The following GRPEL2 variants were observed in gnomAD, a reference collection of about 807,000 sequenced individuals.
GRPEL2 encodes the protein grpE protein homolog 2, mitochondrial.
A neutral mutation model predicts 25.9 loss-of-function variants in GRPEL2; 18 were observed. The observed-to-expected ratio is 0.70, with a 90% CI of 0.48 to 1.03. GRPEL2 has a LOEUF of 1.03. GRPEL2 is among the 50% of genes least tolerant of loss of function. GRPEL2 has a pLI of 0.00. For missense variants in GRPEL2, 247 were observed against 276.2 expected, an observed-to-expected ratio of 0.89 and a Z score of 0.75; for synonymous variants, 106 against 107.9, an observed-to-expected ratio of 0.98 and a Z score of 0.11.
intron 1 of GRPEL2, among the ~76,000 whole-genome samples, chr5:149,346,991 C>T (rs1757701167): frequency 6.6e-6 from 1 of 152,090 alleles, no homozygotes; most frequent in African/African-American, 2.4e-5. Flanking sequence ...TCCCAAAGTG[C>T]TGGGATTACA....
At chr5:149,345,674 G>T in intron 1 of GRPEL2, 58 bp downstream of exon 1, 1 of 1,444,414 alleles carries the variant, frequency 6.9e-7, no homozygotes, top group Non-Finnish European at 9.5e-7. Flanking sequence ...TAGCGAGCCA[G>T]CCGGGGTGGT....
chr5:149,345,579 C>G lies in GRPEL2; in HGVS notation c.40C>G (p.Gln14Glu). The change falls in exon 1 of 4, where the codon CAG (glutamine) becomes GAG (glutamate). Residue 14 changes from glutamine (Q) to glutamate (E), a missense_variant. Physicochemically the swap from Gln to Glu is conservative, Grantham distance 29 (BLOSUM62 2). This residue lies in a region of GRPEL2 where 125 missense variants were observed against 107.0 expected (regional missense o/e 1.17). Coordinates refer to ENST00000329271, the MANE Select transcript of GRPEL2 (RefSeq NM_152407.4). ...RSLWAGRLRVQRLLAWSAAWE... is the reference protein window; with the variant it reads ...RSLWAGRLRVERLLAWSAAWE... ...GCTGTGGGCGGGCCGGCTGCGGGTG[C>G]AGCGCCTACTGGCCTGGAGTGCCGC... 1 of 1,612,060 alleles carries G rather than the reference C, an allele frequency of 6.2e-7. No individual in the cohort carries two copies. The highest frequency in any genetic ancestry group is 2.2e-5 in the East Asian group (1 of 44,838).
At chr5:149,346,899 A>G (rs962141327) in intron 1 of GRPEL2, among the ~76,000 whole-genome samples, 12 of 151,414 alleles carry the variant, frequency 7.9e-5, no homozygotes, top group African/African-American at 2.9e-4. Context: ...CACTACGCCC[A>G]GCTAATTTTT....
chr5:149,347,849 C>G (rs548030614), intron 1 of GRPEL2, among the ~76,000 whole-genome samples: 13 of 152,270 alleles, frequency 8.5e-5, no homozygotes, highest in African/African-American at 3.1e-4. Context: ...TTTTTGAATG[C>G]CCACTTCTGA....
Position 149,353,482 on chromosome 5 carries a change from G to C in GRPEL2, c.*2200G>C, listed in dbSNP as rs1453065039. ...CTAAAGAGATGTCTCTACCTAATGA[G>C]CTCAAGTGATCCTCCCACCTCAGCC... On this transcript the variant is annotated 3_prime_UTR_variant, in exon 4 of 4. Transcript: ENST00000329271. The C allele has an allele frequency of 1.3e-5, 2 of 152,026 alleles. No individual in the cohort carries two copies. The highest frequency in any genetic ancestry group is 2.9e-5 in the Non-Finnish European group (2 of 68,006). 9.4% of individuals were successfully genotyped at this position (152,026 alleles called of 1,614,324 possible).
chr5:149,345,772 TAC>T (rs902706454), intron 1 of GRPEL2, 156 bp downstream of exon 1: 10 of 636,930 alleles, frequency 1.6e-5, no homozygotes, highest in Admixed American at 2.9e-5. Context: ...GGCCCCATTT[TAC>T]AGACGGGGAA....
intron 1 of GRPEL2, among the ~76,000 whole-genome samples, chr5:149,346,738 T>C: frequency 8.7e-6 from 1 of 114,564 alleles, no homozygotes; most frequent in Non-Finnish European, 1.8e-5. Context: ...TTTTTTTTTT[T>C]TTTTTTTTTT....
At position 149,349,722 on chromosome 5, in the gene GRPEL2, C is replaced by T. The variant is rs146069925; in HGVS notation, c.300C>T (p.Asp100=). The T allele has an allele frequency of 3.8e-5, 62 of 1,612,248 alleles. 1 individual carries two copies. Among genetic ancestry groups the T allele is most frequent in the Non-Finnish European group, 4.8e-5 (57 of 1,178,524 alleles). The change falls in exon 3 of 4, where the codon GAC becomes GAT. Residue 100 remains aspartate, a synonymous_variant. Coordinates refer to ENST00000329271, the MANE Select transcript of GRPEL2 (RefSeq NM_152407.4). ...GGCGAACCCAGAGATGTGTGGAAGACGCCAAGATATTTGGTGAGAGATTTA... is the reference window on the plus strand; with the variant it reads ...GGCGAACCCAGAGATGTGTGGAAGATGCCAAGATATTTGGTGAGAGATTTA... The part of the protein sequence containing the change: ...IRRRTQRCVE[D]AKIFGIQSFC...
rs2127610513 is a variant in GRPEL2, at chr5:149,353,075, T to A, written c.*1793T>A. 1 of 152,760 alleles carries A rather than the reference T, an allele frequency of 6.5e-6. No homozygotes were observed. The highest frequency in any genetic ancestry group is 6.5e-5 in the Admixed American group (1 of 15,304). 9.5% of individuals were successfully genotyped at this position (152,760 alleles called of 1,614,324 possible). A position where few individuals can be genotyped will look rare whatever the true frequency, so the allele number is the denominator to read the frequency against. ...TAACCTCTTATACATTATAGATAATTCTAAGACAGCACACAAACTTATCAA... is the reference window on the plus strand; with the variant it reads ...TAACCTCTTATACATTATAGATAATACTAAGACAGCACACAAACTTATCAA... On this transcript the variant is annotated 3_prime_UTR_variant, in exon 4 of 4. Coordinates refer to ENST00000329271, the MANE Select transcript of GRPEL2 (RefSeq NM_152407.4).
At chr5:149,345,677 G>C (rs1197586796) in intron 1 of GRPEL2, 61 bp downstream of exon 1, 1 of 1,424,546 alleles carries the variant, frequency 7.0e-7, no homozygotes, top group East Asian at 2.4e-5. Context: ...CGAGCCAGCC[G>C]GGGTGGTTGT....
chr5:149,350,840 C>T, intron 3 of GRPEL2, 78 bp from the exon 4 acceptor site: 1 of 1,484,710 alleles, frequency 6.7e-7, no homozygotes, highest in African/African-American at 1.4e-5. Context: ...AGCCGTCTAT[C>T]TAGGCCTTAC....
rs34300270 is a variant in GRPEL2 at position 149,346,715 on chromosome 5, A to ATTTTTTTTTTTTTTTTTT, written c.77+1122_77+1139dup. On this transcript the variant is annotated intron_variant, in intron 1 of 3. Transcript: ENST00000329271. ...TTTTCCCTTTGAACTGGCCCTGAGA[A>ATTTTTTTTTTTTTTTTTT]TTTTTTTTTTTTTTTTTTTTTTTTT... is the stretch of plus-strand genomic sequence containing the variant. Among the ~76,000 whole-genome samples, 6 of 59,260 alleles carry ATTTTTTTTTTTTTTTTTT rather than the reference A, an allele frequency of 1.0e-4. 1 individual carries two copies. Among genetic ancestry groups the ATTTTTTTTTTTTTTTTTT allele is most frequent in the African/African-American group, 1.6e-4 (2 of 12,204 alleles). 38.9% of individuals were successfully genotyped at this position (59,260 alleles called of 152,430 possible). A position where few individuals can be genotyped will look rare whatever the true frequency, so the allele number is the denominator to read the frequency against.
At position 149,349,685 on chromosome 5, in the gene GRPEL2, A is replaced by G; in HGVS notation, c.263A>G (p.Glu88Gly). The G allele has an allele frequency of 6.2e-7, 1 of 1,613,536 alleles. No homozygotes were observed. The highest frequency in any genetic ancestry group is 8.5e-7 in the Non-Finnish European group (1 of 1,179,552). The part of the protein sequence containing the change: ...VRYQRAIADC[E>G]NIRRRTQRCV... ...TACCAGAGAGCTATAGCTGATTGTG[A>G]AAACATAAGGAGGCGAACCCAGAGA... Residue 88 changes from glutamate to glycine, a missense_variant, in exon 3 of 4, where the codon GAA becomes GGA. By Grantham distance (98) the Glu-to-Gly change is moderately conservative (BLOSUM62 -2). This residue lies in a region of GRPEL2 where 122 missense variants were observed against 169.2 expected (regional missense o/e 0.72). Transcript: ENST00000329271.
intron 3 of GRPEL2, 88 bp downstream of exon 3, chr5:149,349,823 T>A: frequency 1.1e-6 from 1 of 907,124 alleles, no homozygotes; most frequent in Non-Finnish European, 1.8e-6. Flanking sequence ...TCTAAGGCTG[T>A]CAGATCACAT....
At position 149,352,206 on chromosome 5, in the gene GRPEL2, A is replaced by G. The variant is rs1453682720; in HGVS notation, c.*924A>G. 6.6e-6 allele frequency: 1 copy of G among 152,026 alleles called. No homozygotes were observed. The highest frequency in any genetic ancestry group is 2.4e-5 in the African/African-American group (1 of 41,374). The allele number at this position is 152,026 out of a possible 1,614,324, so 9.4% of individuals were successfully genotyped here. Reference sequence around the variant, plus strand: ...AAGTGTTAGGTTCCCATGATTTCTCATTTCATTTATTAATAGTTAATGCTG... The same window carrying G: ...AAGTGTTAGGTTCCCATGATTTCTCGTTTCATTTATTAATAGTTAATGCTG... On this transcript the variant is annotated 3_prime_UTR_variant, in exon 4 of 4. Coordinates refer to ENST00000329271, the MANE Select transcript of GRPEL2 (RefSeq NM_152407.4).
chr5:149,348,884 G>A (rs2127609776), intron 2 of GRPEL2, among the ~76,000 whole-genome samples: 1 of 152,262 alleles, frequency 6.6e-6, no homozygotes, highest in East Asian at 1.9e-4. Flanking sequence ...ATGGTAAGGA[G>A]GCTGGAAAGC....
Position 149,349,733 on chromosome 5 carries a change from T to G in GRPEL2, c.311T>G (p.Phe104Cys). 1 of 1,610,580 alleles carries G rather than the reference T, an allele frequency of 6.2e-7. No individual in the cohort carries two copies. The highest frequency in any genetic ancestry group is 8.5e-7 in the Non-Finnish European group (1 of 1,176,874). ...AGATGTGTGGAAGACGCCAAGATATTTGGTGAGAGATTTATTTACAATAAA... is the reference window on the plus strand; with the variant it reads ...AGATGTGTGGAAGACGCCAAGATATGTGGTGAGAGATTTATTTACAATAAA... ...TQRCVEDAKI[F>C]GIQSFCKDLV... Residue 104 changes from phenylalanine to cysteine, a missense_variant and splice_region_variant, in exon 3 of 4, where the codon TTT becomes TGT. By Grantham distance (205) the Phe-to-Cys change is radical. Coordinates refer to ENST00000329271, the MANE Select transcript of GRPEL2 (RefSeq NM_152407.4).
chr5:149,350,312 G>C (rs761680699), intron 3 of GRPEL2, among the ~76,000 whole-genome samples: 7 of 152,166 alleles, frequency 4.6e-5, no homozygotes, highest in Non-Finnish European at 8.8e-5. Context: ...CAGTTCGTAT[G>C]ACTCTTTTAA....
chr5:149,349,342 A>C (rs138067221), intron 2 of GRPEL2, among the ~76,000 whole-genome samples: 148 of 152,330 alleles, frequency 9.7e-4, no homozygotes, highest in African/African-American at 3.5e-3. Flanking sequence ...CTTAAGTTCA[A>C]GTCAATGAAA....
Sources: allele counts gnomAD v4.1 joint callset (sites outside exome capture counted in the v4.1 genomes callset), GRCh38; gene constraint gnomAD v4.1.1; regional missense constraint gnomAD v4.1.1; transcripts MANE v1.5; gene names NCBI Gene and HGNC (gene_info 2026-07-23, HGNC 2026-07-21).